Variants in PKD2L1 observed in about 807,000 individuals in gnomAD.
PKD2L1 encodes polycystin 2 like 1, transient receptor potential cation channel.
Under a neutral mutation model 93.0 loss-of-function variants are expected in PKD2L1, and 77 were observed. The observed-to-expected ratio is 0.83, with a 90% CI of 0.69 to 1.00. The LOEUF (loss-of-function observed/expected upper bound fraction) is 1.00. Ranked by LOEUF, PKD2L1 falls within the 50% of genes least tolerant of loss-of-function variation. PKD2L1 has a pLI of 0.00. For synonymous variants in PKD2L1, 390 were observed against 388.0 expected (o/e 1.01, Z -0.06); for missense variants, 977 against 990.9 (o/e 0.99, Z 0.19).
intron 2 of PKD2L1, among the ~76,000 whole-genome samples, chr10:100,306,855 C>CAAAAAAAAAAAAAAAAAAAA (rs61413476): frequency 9.2e-4 from 46 of 49,804 alleles, no homozygotes; most frequent in African/African-American, 4.3e-3. Flanking sequence ...GAGACCCTGT[C>CAAAAAAAAAAAAAAAAAAAA]AAAAAAAAAA....
At chr10:100,309,533 T>C (rs1208013279) in intron 2 of PKD2L1, among the ~76,000 whole-genome samples, 1 of 152,210 alleles carries the variant, frequency 6.6e-6, no homozygotes, top group African/African-American at 2.4e-5. Flanking sequence ...TGATTTTATA[T>C]GAGGTATCAC....
rs372584640 is a variant in PKD2L1, at chr10:100,330,062, C to A, written c.42G>T (p.Lys14Asn). The change falls in exon 1 of 16, where the codon AAG (lysine) becomes AAT (asparagine). Residue 14 changes from lysine to asparagine, a missense_variant. Coordinates refer to ENST00000318222, the MANE Select transcript of PKD2L1 (RefSeq NM_016112.3). The part of the protein sequence containing the change: ...VGSPEGQELQ[K>N]LGSGAWDNPA... ...GGTTGTCCCAGGCTCCACTCCCCAGCTTTTGCAGCTCCTGCCCCTCAGGAC... is the reference window on the plus strand; with the variant it reads ...GGTTGTCCCAGGCTCCACTCCCCAGATTTTGCAGCTCCTGCCCCTCAGGAC... 1.2e-6 allele frequency: 2 copies of A among 1,605,444 alleles called. No individual in the cohort carries two copies. Among genetic ancestry groups the A allele is most frequent in the Non-Finnish European group, 1.7e-6 (2 of 1,174,580 alleles).
In PKD2L1 at chr10:100,329,949, T is replaced by C. The variant is rs1332047943; in HGVS notation, c.155A>G (p.Lys52Arg). 1.9e-6 allele frequency: 3 copies of C among 1,613,960 alleles called. No homozygotes were observed. In the African/African-American group the frequency reaches 4.0e-5, roughly 22 times the overall value. The change falls in exon 1 of 16, where the codon AAG becomes AGG. Residue 52 changes from lysine (K) to arginine (R), a missense_variant. By Grantham distance (26) the Lys-to-Arg change is conservative. Transcript: ENST00000318222. ...STGPLQPQPK[K>R]PEDEPQETAY... ...CGTCTCCTGGGGTTCATCTTCAGGC[T>C]TCTTGGGTTGGGGCTGGAGAGGCCC...
intron 6 of PKD2L1, 133 bp from the exon 7 acceptor site, chr10:100,296,425 C>A: frequency 1.6e-6 from 1 of 619,332 alleles, no homozygotes; most frequent in Non-Finnish European, 2.7e-6. Flanking sequence ...GACTTGTTCA[C>A]TATCTCAGTT....
chr10:100,303,944 A>G (rs958970934), intron 2 of PKD2L1, among the ~76,000 whole-genome samples: 9 of 152,186 alleles, frequency 5.9e-5, no homozygotes, highest in Non-Finnish European at 1.0e-4. Context: ...CTCTTTTCCA[A>G]TTCGGAGAAT....
chr10:100,296,256 T>C lies in PKD2L1; in HGVS notation c.1222A>G (p.Thr408Ala), dbSNP rs151182155. 2 of 1,605,884 alleles carry C rather than the reference T, an allele frequency of 1.2e-6. No homozygotes were observed. The highest frequency in any genetic ancestry group is 1.3e-5 in the African/African-American group (1 of 74,372). Residue 408 changes from threonine to alanine, a missense_variant, in exon 7 of 16, where the codon ACC (threonine) becomes GCC (alanine). By Grantham distance (58) the Thr-to-Ala change is moderately conservative. Coordinates refer to ENST00000318222, the MANE Select transcript of PKD2L1 (RefSeq NM_016112.3). The part of the protein sequence containing the change: ...IVAVGFHIFR[T>A]LEVNRLMGKL... ...CCCATGAGCCGATTCACCTCGAGGG[T>C]TCGGAATATGTGGAAGCCCACAGCC...
In PKD2L1 at chr10:100,292,953, T is replaced by C; in HGVS notation, c.1875A>G (p.Leu625=). ...CTGGGTCTCTGGTTGCTCACTCCCT[T>C]AAGGTGTTGGTGAAATCCTCAAACT... ...EIQFEDFTNT[L]RELGHAEHEI... is the part of the protein sequence containing the mutation. Residue 625 remains leucine (L), a synonymous_variant, in exon 11 of 16, where the codon TTA becomes TTG. Coordinates refer to ENST00000318222, the MANE Select transcript of PKD2L1 (RefSeq NM_016112.3). The C allele has an allele frequency of 3.7e-6, 6 of 1,613,896 alleles. No homozygotes were observed. The South Asian group carries it at 6.6e-5, about 18-fold the overall frequency.
At chr10:100,311,653 C>A (rs1269757568) in intron 2 of PKD2L1, among the ~76,000 whole-genome samples, 2 of 152,172 alleles carry the variant, frequency 1.3e-5, no homozygotes, top group Non-Finnish European at 2.9e-5. Context: ...CCATCGTATG[C>A]TACTGAGCTT....
At chr10:100,327,403 C>T (rs1849402636) in intron 2 of PKD2L1, among the ~76,000 whole-genome samples, 1 of 152,222 alleles carries the variant, frequency 6.6e-6, no homozygotes, top group South Asian at 2.1e-4. Context: ...TCTGGCAATG[C>T]ATCAGTGCAC....
chr10:100,294,520 C>T lies in PKD2L1; in HGVS notation c.1659+15G>A. On this transcript the variant is annotated intron_variant, in intron 9 of 15. Coordinates refer to ENST00000318222, the MANE Select transcript of PKD2L1 (RefSeq NM_016112.3). ...GCAGGCTCTCTATGTCCCCACCCCT[C>T]AGAGAGACCCTCACCAGGAGCACGA... 1.2e-6 allele frequency: 2 copies of T among 1,614,018 alleles called. No individual in the cohort carries two copies. Among genetic ancestry groups the T allele is most frequent in the Non-Finnish European group, 8.5e-7 (1 of 1,179,950 alleles).
intron 2 of PKD2L1, among the ~76,000 whole-genome samples, chr10:100,322,796 A>T (rs2133572097): frequency 6.6e-6 from 1 of 152,340 alleles, no homozygotes; most frequent in African/African-American, 2.4e-5. Context: ...ATACATTTCC[A>T]GATAGAGAGG....
At chr10:100,294,825 A>C in intron 8 of PKD2L1, 117 bp downstream of exon 8, 1 of 1,299,524 alleles carries the variant, frequency 7.7e-7, no homozygotes, top group Non-Finnish European at 1.1e-6. Context: ...ACCCTCACAC[A>C]GATGCTTTGA....
chr10:100,293,336 T>C lies in PKD2L1; in HGVS notation c.1703A>G (p.Lys568Arg), dbSNP rs1487813753. ...ATCCTTCTGTCCAGCCAGCTCCTCCTTGACCTCTGAATATGTGTCATTGAT... is the reference window on the plus strand; with the variant it reads ...ATCCTTCTGTCCAGCCAGCTCCTCCCTGACCTCTGAATATGTGTCATTGAT... ...AIINDTYSEV[K>R]EELAGQKDEL... The change falls in exon 10 of 16, where the codon AAG becomes AGG. Residue 568 changes from lysine (K) to arginine (R), a missense_variant. Coordinates refer to ENST00000318222, the MANE Select transcript of PKD2L1 (RefSeq NM_016112.3). 11 of 1,613,678 alleles carry C rather than the reference T, an allele frequency of 6.8e-6. No homozygotes were observed. In the African/African-American group the frequency reaches 8.0e-5, roughly 12 times the overall value.
intron 2 of PKD2L1, among the ~76,000 whole-genome samples, chr10:100,299,967 T>G (rs1432066069): frequency 6.6e-6 from 1 of 152,240 alleles, no homozygotes; most frequent in African/African-American, 2.4e-5. Context: ...CTCCACTCAG[T>G]AGTTGTCTTA....
In PKD2L1 at chr10:100,290,478, AAT is replaced by A; in HGVS notation, c.2047_2048del (p.Ile683CysfsTer46). 6.2e-7 allele frequency: 1 copy of A among 1,613,716 alleles called. No homozygotes were observed. On this transcript the variant is annotated frameshift_variant, in exon 13 of 16. Coordinates refer to ENST00000318222, the MANE Select transcript of PKD2L1 (RefSeq NM_016112.3). LOFTEE classifies it high-confidence loss of function. The stretch of plus-strand genomic sequence containing the variant: ...CCGATTTGCCTTGTGGGCTGCTCAC[AAT>A]AGATCGGCCTAGTTTCTCAATCTCA... ...NTEIEKLGRS[I>X]VSSPQGKSGP...
chr10:100,308,493 C>T (rs962421760), intron 2 of PKD2L1, among the ~76,000 whole-genome samples: 2 of 152,004 alleles, frequency 1.3e-5, no homozygotes, highest in African/African-American at 4.8e-5. Flanking sequence ...CACCACTACA[C>T]CTGGCTAATT....
At position 100,295,100 on chromosome 10, in the gene PKD2L1, G is replaced by A; in HGVS notation, c.1380C>T (p.Asn460=). 1.2e-6 allele frequency: 2 copies of A among 1,614,044 alleles called. No individual in the cohort carries two copies. Among genetic ancestry groups the A allele is most frequent in the Middle Eastern group, 1.7e-4 (1 of 6,060 alleles). ...TGGAGGAGAGCTGGGTCATGGTTTT[G>A]TTGAAGCTGATGTACTTGAATATCT... is the stretch of plus-strand genomic sequence containing the variant. ...WIKIFKYISF[N]KTMTQLSSTL... Residue 460 remains asparagine, a synonymous_variant, in exon 8 of 16, where the codon AAC becomes AAT. Coordinates refer to ENST00000318222, the MANE Select transcript of PKD2L1 (RefSeq NM_016112.3).
chr10:100,329,495 C>G (rs1849456740), intron 1 of PKD2L1, 171 bp from the exon 2 acceptor site: 1 of 882,746 alleles, frequency 1.1e-6, no homozygotes, highest in Non-Finnish European at 1.7e-6. Flanking sequence ...CTTGCTCTTC[C>G]CATCAGCTCC....
In PKD2L1 at chr10:100,321,884, G is replaced by GA. The variant is rs1388573734; in HGVS notation, c.349+7326dup. Among the ~76,000 whole-genome samples the GA allele has an allele frequency of 1.1e-4, 5 of 45,354 alleles. 1 individual carries two copies. The highest frequency in any genetic ancestry group is 4.9e-4 in the Admixed American group (2 of 4,114). 29.8% of individuals were successfully genotyped at this position (45,354 alleles called of 152,430 possible). On this transcript the variant is annotated intron_variant, in intron 2 of 15. Coordinates refer to ENST00000318222, the MANE Select transcript of PKD2L1 (RefSeq NM_016112.3). ...GCAGGCAGGCAGGCAGGCAGGGAGGGAGGGAGGGAGGGAAGGAAGCAAGGA... is the reference window on the plus strand; with the variant it reads ...GCAGGCAGGCAGGCAGGCAGGGAGGGAAGGGAGGGAGGGAAGGAAGCAAGGA...
Sources: allele counts gnomAD v4.1 joint callset (sites outside exome capture counted in the v4.1 genomes callset), GRCh38; gene constraint gnomAD v4.1.1; transcripts MANE v1.5; gene names NCBI Gene and HGNC (gene_info 2026-07-23, HGNC 2026-07-21).